The following MEI4 variants were observed in gnomAD, a reference collection of about 807,000 sequenced individuals.
MEI4 encodes meiotic double-stranded break formation protein 4.
MEI4 carries 27 observed loss-of-function variants against 31.4 expected under a neutral mutation model. The observed-to-expected ratio is 0.86, with a 90% CI of 0.63 to 1.19. The LOEUF is 1.19. Among genes scored for constraint, MEI4 ranks in the 50% most tolerant of loss-of-function variants. The probability of loss-of-function intolerance (pLI) is 0.00; values close to 1 mark genes in which losing one functional copy is unlikely to be tolerated. For missense variants in MEI4, 329 were observed against 398.9 expected (o/e 0.82, Z 1.49); for synonymous variants, 122 against 145.4 (o/e 0.84, Z 1.16).
chr6:77,650,679 G>T (rs1159376543), upstream of MEI4, among the ~76,000 whole-genome samples: 3 of 152,238 alleles, frequency 2.0e-5, no homozygotes, highest in African/African-American at 4.8e-5. Context: ...CGTGCCCTGG[G>T]TTTGGACCTG....
chr6:77,817,779 G>A (rs1769722426), intron 3 of MEI4, among the ~76,000 whole-genome samples: 1 of 151,678 alleles, frequency 6.6e-6, no homozygotes, highest in Non-Finnish European at 1.5e-5. Context: ...TCCATATATA[G>A]GACTGAGTAA....
At chr6:77,863,279 C>T (rs182210358) in intron 4 of MEI4, among the ~76,000 whole-genome samples, 1 of 152,104 alleles carries the variant, frequency 6.6e-6, no homozygotes, top group East Asian at 1.9e-4. Context: ...GATGATGAAA[C>T]AACTCTGAGC....
intron 2 of MEI4, among the ~76,000 whole-genome samples, chr6:77,703,262 C>T (rs1485617309): frequency 6.6e-6 from 1 of 152,152 alleles, no homozygotes; most frequent in Non-Finnish European, 1.5e-5. Flanking sequence ...CTGCCAAGCC[C>T]CTGTAACAGT....
At chr6:77,789,400 C>T (rs985819276) in intron 3 of MEI4, among the ~76,000 whole-genome samples, 2 of 152,292 alleles carry the variant, frequency 1.3e-5, no homozygotes, top group South Asian at 4.1e-4. Context: ...CCAAAATTTA[C>T]AAATGGGATC....
intron 4 of MEI4, among the ~76,000 whole-genome samples, chr6:77,910,288 T>C (rs1165580970): frequency 6.6e-6 from 1 of 152,144 alleles, no homozygotes; most frequent in Admixed American, 6.6e-5. Flanking sequence ...GCAGATGACA[T>C]GATTGTATAA....
chr6:77,804,266 T>TA (rs1425981825), intron 3 of MEI4, among the ~76,000 whole-genome samples: 1 of 152,178 alleles, frequency 6.6e-6, no homozygotes. Flanking sequence ...GTACGGGATA[T>TA]AATCTCCTGG....
chr6:77,882,194 A>C (rs1581948465), intron 4 of MEI4, among the ~76,000 whole-genome samples: 2 of 152,224 alleles, frequency 1.3e-5, no homozygotes, highest in East Asian at 3.8e-4. Flanking sequence ...GGTCTGGAAG[A>C]GTCCTGAACC....
At chr6:77,761,052 G>T in intron 2 of MEI4, 78 bp from the exon 3 acceptor site, 1 of 958,744 alleles carries the variant, frequency 1.0e-6, no homozygotes, top group South Asian at 5.5e-5. Context: ...CTTATTTTAA[G>T]ATAAGTATCA....
intron 1 of MEI4, among the ~76,000 whole-genome samples, chr6:77,670,957 T>TTATG (rs781064279): frequency 2.0e-5 from 3 of 152,088 alleles, no homozygotes; most frequent in Non-Finnish European, 4.4e-5. Context: ...ACAATCACAT[T>TTATG]TATGTTTCTG....
chr6:77,822,615 C>G (rs1400327827), intron 3 of MEI4, among the ~76,000 whole-genome samples: 1 of 5,584 alleles, frequency 1.8e-4, no homozygotes, highest in South Asian at 3.2e-3. Flanking sequence ...TTTGGATACC[C>G]CCCCCCCCTT....
At position 77,690,882 on chromosome 6, in the gene MEI4, T is replaced by C; in HGVS notation, c.211T>C (p.Cys71Arg). 2 of 1,231,198 alleles carry C rather than the reference T, an allele frequency of 1.6e-6. No homozygotes were observed. The highest frequency in any genetic ancestry group is 3.2e-5 in the East Asian group (1 of 31,682). The allele number at this position is 1,231,198 out of a possible 1,614,324, so 76.3% of individuals were successfully genotyped here. ...TCAAAAACTTCTTGTGAGCAGGCTT[T>C]GTTCAGGATCCTTTAAGAGTGGTGA... ...LRQKLLVSRL[C>R]SGSFKSGYVS... The change falls in exon 2 of 5, where the codon TGT becomes CGT. Residue 71 changes from cysteine (C) to arginine (R), a missense_variant. Transcript: ENST00000684080.
chr6:77,800,556 C>G (rs1769222692), intron 3 of MEI4, among the ~76,000 whole-genome samples: 1 of 152,200 alleles, frequency 6.6e-6, no homozygotes, highest in Non-Finnish European at 1.5e-5. Context: ...GAGAGGGCAT[C>G]CCTGTCTTGT....
At chr6:77,732,968 G>A (rs931309660) in intron 2 of MEI4, among the ~76,000 whole-genome samples, 2 of 151,170 alleles carry the variant, frequency 1.3e-5, no homozygotes, top group East Asian at 2.1e-4. Context: ...TGCATCCCAG[G>A]GATGAAGCCC....
chr6:77,736,036 A>G (rs1032339936), intron 2 of MEI4, among the ~76,000 whole-genome samples: 1 of 148,158 alleles, frequency 6.7e-6, no homozygotes, highest in Non-Finnish European at 1.5e-5. Context: ...GCTCTCTTCA[A>G]ACTGTCAGAC....
intron 2 of MEI4, among the ~76,000 whole-genome samples, chr6:77,730,664 A>G (rs1766957149): frequency 6.6e-6 from 1 of 151,820 alleles, no homozygotes; most frequent in Non-Finnish European, 1.5e-5. Flanking sequence ...TTTAGGGTAC[A>G]CGTGCACAAT....
chr6:77,764,779 T>C (rs1463607727), intron 3 of MEI4, among the ~76,000 whole-genome samples: 1 of 152,074 alleles, frequency 6.6e-6, no homozygotes, highest in Non-Finnish European at 1.5e-5. Flanking sequence ...CACAATATAA[T>C]GAAATTAGAA....
At chr6:77,903,157 T>C (rs1408225936) in intron 4 of MEI4, among the ~76,000 whole-genome samples, 1 of 152,162 alleles carries the variant, frequency 6.6e-6, no homozygotes, top group African/African-American at 2.4e-5. Context: ...TCTTTCTTTT[T>C]TTTCTTTTTT....
chr6:77,664,673 T>C (rs1768585804), intron 1 of MEI4, among the ~76,000 whole-genome samples: 1 of 151,918 alleles, frequency 6.6e-6, no homozygotes, highest in African/African-American at 2.4e-5. Context: ...GGGTTGGGAC[T>C]GAGGGGACAG....
chr6:77,703,196 T>C (rs1314310481), intron 2 of MEI4, among the ~76,000 whole-genome samples: 3 of 152,208 alleles, frequency 2.0e-5, no homozygotes, highest in Non-Finnish European at 4.4e-5. Flanking sequence ...AAATGGTCTA[T>C]GTGAGGGTTC....
Sources: allele counts gnomAD v4.1 joint callset (sites outside exome capture counted in the v4.1 genomes callset), GRCh38; gene constraint gnomAD v4.1.1; transcripts MANE v1.5; gene names NCBI Gene and HGNC (gene_info 2026-07-23, HGNC 2026-07-21).